Variants in GSE1 observed in about 807,000 individuals in gnomAD.
GSE1 encodes the protein Gse1 coiled-coil protein.
Under a neutral mutation model 112.6 loss-of-function variants are expected in GSE1, and 32 were observed. The ratio of observed to expected loss-of-function variants is 0.28; its 90% CI spans 0.21 to 0.38. GSE1 has a LOEUF of 0.38. Among genes scored for constraint, GSE1 ranks in the 10% least tolerant of loss-of-function variants. GSE1 has a pLI of 1.00. For missense variants in GSE1, 2,348 were observed against 1,699.2 expected (o/e 1.38, Z -6.71); for synonymous variants, 1,115 against 735.6 (o/e 1.52, Z -8.35).
intron 2 of GSE1, among the ~76,000 whole-genome samples, chr16:85,463,919 A>T (rs559374006): frequency 6.6e-6 from 1 of 152,146 alleles, no homozygotes; most frequent in Non-Finnish European, 1.5e-5. Flanking sequence ...GAAGCCTTCC[A>T]TGAACAGCAA....
intron 12 of GSE1, among the ~76,000 whole-genome samples, chr16:85,665,493 C>T (rs1279605202): frequency 1.3e-5 from 2 of 152,238 alleles, no homozygotes; most frequent in Non-Finnish European, 2.9e-5. Context: ...GCAGCCTGGT[C>T]CTGCCACTAG....
intron 2 of GSE1, among the ~76,000 whole-genome samples, chr16:85,446,920 C>T (rs111951760): frequency 0.02 from 2,993 of 152,238 alleles, 76 homozygotes; most frequent in Non-Finnish European, 0.024. Context: ...ACACCCTCCT[C>T]CTGCTCTGTG....
intron 1 of GSE1, among the ~76,000 whole-genome samples, chr16:85,333,421 G>A (rs1045943341): frequency 8.5e-5 from 13 of 152,062 alleles, no homozygotes; most frequent in Non-Finnish European, 1.5e-4. Context: ...CCTCCCACCC[G>A]GCCTCCTCCT....
chr16:85,596,203 C>T (rs2047220043), intron 1 of GSE1, among the ~76,000 whole-genome samples: 1 of 152,172 alleles, frequency 6.6e-6, no homozygotes, highest in African/African-American at 2.4e-5. Flanking sequence ...AGGACGGATG[C>T]ATCTGCTCTT....
At chr16:85,413,578 C>T (rs7404202) in intron 2 of GSE1, among the ~76,000 whole-genome samples, 114,816 of 152,044 alleles carry the variant, frequency 0.76, 45,546 homozygotes, top group East Asian at 0.96. Flanking sequence ...GTTAAGCACA[C>T]GCTTCGCAAA....
At chr16:85,573,698 G>T (rs1264257492) in intron 1 of GSE1, among the ~76,000 whole-genome samples, 1 of 152,208 alleles carries the variant, frequency 6.6e-6, no homozygotes, top group Non-Finnish European at 1.5e-5. Context: ...AGCCATCACA[G>T]TGGGCGCGTC....
At chr16:85,429,313 C>T (rs1214180559) in intron 2 of GSE1, among the ~76,000 whole-genome samples, 1 of 152,236 alleles carries the variant, frequency 6.6e-6, no homozygotes, top group Non-Finnish European at 1.5e-5. Context: ...CTGCCACGGG[C>T]ATGTGCATGG....
At chr16:85,263,042 G>T (rs1407986373) in intron 1 of GSE1, among the ~76,000 whole-genome samples, 1 of 152,208 alleles carries the variant, frequency 6.6e-6, no homozygotes, top group Admixed American at 6.5e-5. Context: ...CCCACAGATC[G>T]CGGGAGGGCG....
At chr16:85,170,724 C>A in exon 1 of GSE1, 1 of 985,602 alleles carries the variant, frequency 1.0e-6, no homozygotes, top group Non-Finnish European at 1.2e-6. Context: ...TCTTCCCCTT[C>A]CTGTGGCTGC....
intron 2 of GSE1, among the ~76,000 whole-genome samples, chr16:85,509,320 C>G (rs1462423548): frequency 6.6e-6 from 1 of 152,092 alleles, no homozygotes; most frequent in African/African-American, 2.4e-5. Context: ...ACCGGGGCTG[C>G]GGTCTTCAGA....
chr16:85,229,520 G>A (rs918823835), intron 1 of GSE1, among the ~76,000 whole-genome samples: 2 of 152,226 alleles, frequency 1.3e-5, no homozygotes, highest in African/African-American at 4.8e-5. Flanking sequence ...CGTGCTAAGT[G>A]TTTTCATGTG....
chr16:85,481,601 A>C lies in GSE1; in HGVS notation c.2464+123958A>C, dbSNP rs80028283. Among the ~76,000 whole-genome samples, 1,521 of 152,262 alleles carry C rather than the reference A, an allele frequency of 1.0e-2. 20 individuals are homozygous for C. Among genetic ancestry groups the C allele is most frequent in the African/African-American group, 0.035 (1,452 of 41,552 alleles). On this transcript the variant is annotated intron_variant, in intron 2 of 2. Transcript: ENST00000637419. ...CCTGTGTGTGTGCCATGGTTTGGGC[A>C]ATTGATGTCCGTTTTCTGGAAGTGC...
intron 1 of GSE1, among the ~76,000 whole-genome samples, chr16:85,204,076 C>G (rs544901900): frequency 3.3e-5 from 5 of 152,290 alleles, no homozygotes; most frequent in African/African-American, 1.2e-4. Context: ...GGCCAATTTC[C>G]CAAAACTTTA....
At chr16:85,640,803 G>A (rs552142948) in intron 2 of GSE1, among the ~76,000 whole-genome samples, 34 of 152,338 alleles carry the variant, frequency 2.2e-4, no homozygotes, top group Middle Eastern at 3.4e-3. Flanking sequence ...GTCAGTCTGC[G>A]GCGGCGGCGG....
chr16:85,289,711 C>T (rs779163131), intron 1 of GSE1, among the ~76,000 whole-genome samples: 3 of 152,152 alleles, frequency 2.0e-5, no homozygotes, highest in Non-Finnish European at 4.4e-5. Context: ...AGGCAACTCA[C>T]GTTTGCTGGT....
At chr16:85,613,112 G>T (rs533206371), upstream of GSE1, 10 of 983,626 alleles carry the variant, frequency 1.0e-5, no homozygotes, top group Admixed American at 1.3e-4. Flanking sequence ...GCGCGCGCGC[G>T]CCTGTGTGTT....
intron 1 of GSE1, among the ~76,000 whole-genome samples, chr16:85,193,574 C>T (rs938812015): frequency 6.6e-6 from 1 of 152,178 alleles, no homozygotes; most frequent in Admixed American, 6.5e-5. Flanking sequence ...ATTCTCCTGC[C>T]TCAGCCTCCC....
At chr16:85,639,772 G>T (rs538797624) in intron 2 of GSE1, among the ~76,000 whole-genome samples, 2 of 152,354 alleles carry the variant, frequency 1.3e-5, no homozygotes, top group East Asian at 3.9e-4. Flanking sequence ...GCTGTGTGAC[G>T]AAGCCAGGGC....
chr16:85,607,833 C>T (rs1314497771), upstream of GSE1, among the ~76,000 whole-genome samples: 1 of 152,220 alleles, frequency 6.6e-6, no homozygotes, highest in African/African-American at 2.4e-5. Context: ...CAGGGGCCTT[C>T]TTCCCTTGAG....
Sources: allele counts gnomAD v4.1 joint callset (sites outside exome capture counted in the v4.1 genomes callset), GRCh38; gene constraint gnomAD v4.1.1; transcripts MANE v1.5; gene names NCBI Gene and HGNC (gene_info 2026-07-23, HGNC 2026-07-21).